Variants in ABCD3 observed in about 807,000 individuals in gnomAD.
ABCD3 encodes the protein ATP binding cassette subfamily D member 3, also known as ATP-binding cassette sub-family D member 3.
In ABCD3, 41 loss-of-function variants were observed where a neutral mutation model predicts 105.5. That is an observed-to-expected ratio of 0.39 (90% CI 0.30 to 0.50). ABCD3 has a LOEUF of 0.50. ABCD3 is among the 20% of genes least tolerant of loss of function. ABCD3 has a pLI of 0.84. For synonymous variants in ABCD3, 258 were observed against 269.0 expected (o/e 0.96, Z 0.40); for missense variants, 622 against 806.3 (o/e 0.77, Z 2.77).
chr1:94,472,704 T>C (rs1648545434), intron 4 of ABCD3, among the ~76,000 whole-genome samples: 1 of 152,214 alleles, frequency 6.6e-6, no homozygotes, highest in Non-Finnish European at 1.5e-5. Context: ...TTCCCAAATT[T>C]ATCCATCTAG....
intron 20 of ABCD3, among the ~76,000 whole-genome samples, chr1:94,504,598 C>T (rs1232495109): frequency 1.3e-5 from 2 of 152,094 alleles, no homozygotes; most frequent in African/African-American, 2.4e-5. Flanking sequence ...TGAGAGGAGG[C>T]GGTGTTGGCT....
the ABCD3 span, among the ~76,000 whole-genome samples, chr1:94,398,958 A>C: frequency 2.0e-5 from 3 of 152,138 alleles, no homozygotes; most frequent in Non-Finnish European, 4.4e-5. Context: ...GGATATAGTA[A>C]ATTTCACTCT....
At chr1:94,509,141 T>C (rs1413622281) in intron 21 of ABCD3, among the ~76,000 whole-genome samples, 1 of 152,214 alleles carries the variant, frequency 6.6e-6, no homozygotes, top group Non-Finnish European at 1.5e-5. Flanking sequence ...ATAGCTCTTA[T>C]TATTTTGAGA....
At chr1:94,500,126 G>T (rs1002164823) in intron 20 of ABCD3, among the ~76,000 whole-genome samples, 1 of 152,020 alleles carries the variant, frequency 6.6e-6, no homozygotes, top group Non-Finnish European at 1.5e-5. Flanking sequence ...AAGTTACTTA[G>T]AATTTTTAAG....
At chr1:94,485,197 C>T (rs1649225762) in intron 10 of ABCD3, among the ~76,000 whole-genome samples, 1 of 152,058 alleles carries the variant, frequency 6.6e-6, no homozygotes, top group East Asian at 1.9e-4. Context: ...TTAATTGCCA[C>T]TTGGAAAATT....
chr1:94,455,188 T>G (rs2100950397), intron 1 of ABCD3, among the ~76,000 whole-genome samples: 1 of 152,316 alleles, frequency 6.6e-6, no homozygotes, highest in Non-Finnish European at 1.5e-5. Context: ...AAAATCATCT[T>G]CAACTTCTGT....
At chr1:94,486,232 A>G (rs949478947) in intron 10 of ABCD3, among the ~76,000 whole-genome samples, 1 of 152,274 alleles carries the variant, frequency 6.6e-6, no homozygotes, top group East Asian at 1.9e-4. Context: ...ACTCAGGTAT[A>G]TGCAAATACT....
chr1:94,398,858 G>C, the ABCD3 span, among the ~76,000 whole-genome samples: 2 of 152,066 alleles, frequency 1.3e-5, no homozygotes, highest in African/African-American at 4.8e-5. Flanking sequence ...AGGATGCAGT[G>C]AGCCGAGATC....
intron 9 of ABCD3, 135 bp downstream of exon 9, chr1:94,480,741 A>G: frequency 1.1e-6 from 1 of 944,150 alleles, no homozygotes; most frequent in Non-Finnish European, 1.6e-6. Context: ...ATACATTATG[A>G]AAGAGACTAG....
At chr1:94,386,385 G>GC in the ABCD3 span, among the ~76,000 whole-genome samples, 1 of 152,210 alleles carries the variant, frequency 6.6e-6, no homozygotes, top group Non-Finnish European at 1.5e-5. Context: ...ACTTTTCAAA[G>GC]CAAGTGTCAA....
chr1:94,509,802 G>A (rs561579194), intron 21 of ABCD3, among the ~76,000 whole-genome samples: 1 of 152,238 alleles, frequency 6.6e-6, no homozygotes, highest in Admixed American at 6.5e-5. Flanking sequence ...TTCTCCGATG[G>A]TAGTTTGTAT....
chr1:94,424,847 A>G (rs974994952), intron 1 of ABCD3, among the ~76,000 whole-genome samples: 1 of 152,218 alleles, frequency 6.6e-6, no homozygotes, highest in African/African-American at 2.4e-5. Context: ...GTATATACAT[A>G]CTGCTAGCAT....
intron 16 of ABCD3, among the ~76,000 whole-genome samples, chr1:94,492,073 T>C (rs934877358): frequency 6.6e-6 from 1 of 151,232 alleles, no homozygotes; most frequent in Non-Finnish European, 1.5e-5. Context: ...GCATGTGAAA[T>C]GTGACTAGTA....
upstream of ABCD3, among the ~76,000 whole-genome samples, chr1:94,417,472 T>C (rs1165877914): frequency 6.6e-6 from 1 of 152,236 alleles, no homozygotes; most frequent in Non-Finnish European, 1.5e-5. Flanking sequence ...CTAGGCTCAA[T>C]GCTGGCGATA....
chr1:94,485,738 A>T (rs1649247558), intron 10 of ABCD3, among the ~76,000 whole-genome samples: 1 of 152,208 alleles, frequency 6.6e-6, no homozygotes, highest in Non-Finnish European at 1.5e-5. Context: ...AAATCCATGG[A>T]TTCAACCACA....
the ABCD3 span, among the ~76,000 whole-genome samples, chr1:94,397,319 G>A: frequency 1.3e-5 from 2 of 152,116 alleles, no homozygotes; most frequent in Admixed American, 6.5e-5. Flanking sequence ...TTCCACTTAT[G>A]CTCTTTTTCT....
chr1:94,463,752 C>G (rs2100972775), intron 2 of ABCD3, among the ~76,000 whole-genome samples: 1 of 152,258 alleles, frequency 6.6e-6, no homozygotes, highest in African/African-American at 2.4e-5. Flanking sequence ...TGAAAAAACT[C>G]TTGAGAGAGG....
chr1:94,468,956 A>T (rs1358520834), intron 4 of ABCD3, among the ~76,000 whole-genome samples: 1 of 152,148 alleles, frequency 6.6e-6, no homozygotes, highest in Non-Finnish European at 1.5e-5. Flanking sequence ...CTCACATTCC[A>T]CCCAAGTCTC....
chr1:94,462,219 A>G (rs1403636637), intron 2 of ABCD3, among the ~76,000 whole-genome samples: 1 of 152,186 alleles, frequency 6.6e-6, no homozygotes, highest in Admixed American at 6.5e-5. Flanking sequence ...ATTATTGGGA[A>G]GTTTAGAAGT....
Sources: allele counts gnomAD v4.1 joint callset (sites outside exome capture counted in the v4.1 genomes callset), GRCh38; gene constraint gnomAD v4.1.1; transcripts MANE v1.5; gene names NCBI Gene and HGNC (gene_info 2026-07-23, HGNC 2026-07-21).